GPC5: variants seen among roughly 807,000 people sequenced by gnomAD.
GPC5 encodes the protein glypican 5.
GPC5 carries 47 observed loss-of-function variants against 53.9 expected under a neutral mutation model. The observed-to-expected ratio is 0.87, with a 90% CI of 0.69 to 1.11. The LOEUF is 1.11. GPC5 is among the 50% of genes most tolerant of loss of function. The probability of loss-of-function intolerance (pLI) is 0.00; values close to 1 mark genes in which losing one functional copy is unlikely to be tolerated. For missense variants in GPC5, 748 were observed against 713.1 expected, an observed-to-expected ratio of 1.05 and a Z score of -0.56; for synonymous variants, 286 against 263.3, an observed-to-expected ratio of 1.09 and a Z score of -0.84.
intron 2 of GPC5, among the ~76,000 whole-genome samples, chr13:91,646,219 C>T (rs74927236): frequency 0.022 from 3,392 of 152,098 alleles, 125 homozygotes; most frequent in African/African-American, 0.078. Flanking sequence ...TTGATCTTTC[C>T]CTAAAATATG....
At chr13:91,532,097 A>G (rs1258551706) in intron 2 of GPC5, among the ~76,000 whole-genome samples, 1 of 152,204 alleles carries the variant, frequency 6.6e-6, no homozygotes, top group Non-Finnish European at 1.5e-5. Context: ...CCTTAATGGA[A>G]AAAAAATGAA....
At chr13:91,897,254 C>A (rs1016819543) in intron 5 of GPC5, among the ~76,000 whole-genome samples, 3 of 151,586 alleles carry the variant, frequency 2.0e-5, no homozygotes, top group African/African-American at 7.3e-5. Context: ...ATTTACAAAT[C>A]TTTTCAAACT....
intron 7 of GPC5, among the ~76,000 whole-genome samples, chr13:92,643,020 T>A (rs1419196081): frequency 1.3e-5 from 2 of 152,222 alleles, no homozygotes; most frequent in Non-Finnish European, 2.9e-5. Context: ...CATAAATGTC[T>A]TCTTTTGAGA....
At chr13:92,071,111 C>CTGTA (rs1217291757) in intron 6 of GPC5, among the ~76,000 whole-genome samples, 1 of 152,100 alleles carries the variant, frequency 6.6e-6, no homozygotes, top group East Asian at 1.9e-4. Flanking sequence ...TGGCATGCAC[C>CTGTA]TGTAGTCCCA....
chr13:92,814,654 C>A lies in GPC5; in HGVS notation c.1562-51628C>A, dbSNP rs1458040743. Among the ~76,000 whole-genome samples the A allele has an allele frequency of 2.0e-5, 3 of 149,322 alleles. 1 individual carries two copies. The highest frequency in any genetic ancestry group is 7.4e-5 in the African/African-American group (3 of 40,330). ...CCAGCCAGGGTGACAGAACAAGACT[C>A]TGTCTCAAAAAAAAAAATAAAAAAT... is the stretch of plus-strand genomic sequence containing the variant. On this transcript the variant is annotated intron_variant, in intron 7 of 7. Transcript: ENST00000377067.
At chr13:92,214,942 T>C (rs2042399601) in intron 7 of GPC5, among the ~76,000 whole-genome samples, 1 of 152,108 alleles carries the variant, frequency 6.6e-6, no homozygotes, top group Non-Finnish European at 1.5e-5. Context: ...GCTGGACATG[T>C]CAAGGAAATG....
In GPC5 at chr13:92,494,101, T is replaced by TTTTGTTTTG. The variant is rs71772465; in HGVS notation, c.1561+349115_1561+349116insGTTTTGTTT. On this transcript the variant is annotated intron_variant, in intron 7 of 7. Transcript: ENST00000377067. ...GTTTGTTTTGTTTTGTTTTGTTTTG[T>TTTTGTTTTG]TTTTTTGAGACGGAGTCTCGCTCTG... is the stretch of plus-strand genomic sequence containing the variant. 8.8e-3 allele frequency among the ~76,000 whole-genome samples: 553 copies of TTTTGTTTTG among 62,698 alleles called. 2 individuals are homozygous for TTTTGTTTTG. The highest frequency in any genetic ancestry group is 0.023 in the African/African-American group (484 of 20,630). 41.1% of individuals were successfully genotyped at this position (62,698 alleles called of 152,430 possible). A position where few individuals can be genotyped will look rare whatever the true frequency, so the allele number is the denominator to read the frequency against.
intron 7 of GPC5, among the ~76,000 whole-genome samples, chr13:92,390,126 C>A (rs1024868526): frequency 2.6e-5 from 4 of 152,070 alleles, no homozygotes; most frequent in African/African-American, 9.7e-5. Flanking sequence ...ATTTACAGTG[C>A]AAACCACAAG....
chr13:92,539,539 G>C (rs1461051370), intron 7 of GPC5, among the ~76,000 whole-genome samples: 2 of 151,776 alleles, frequency 1.3e-5, no homozygotes, highest in Non-Finnish European at 2.9e-5. Context: ...TTGTAAATTT[G>C]TTTAAGTTCT....
chr13:92,047,952 C>T (rs1191666005), intron 6 of GPC5, among the ~76,000 whole-genome samples: 2 of 151,852 alleles, frequency 1.3e-5, no homozygotes, highest in Non-Finnish European at 2.9e-5. Flanking sequence ...GATCATGCCA[C>T]TGCACTCCAG....
At chr13:92,830,313 C>T (rs1370538721) in intron 7 of GPC5, among the ~76,000 whole-genome samples, 1 of 151,982 alleles carries the variant, frequency 6.6e-6, no homozygotes. Context: ...TGATGCATAT[C>T]CTTGGATCCT....
chr13:92,253,961 G>A (rs2042709541), intron 7 of GPC5, among the ~76,000 whole-genome samples: 1 of 152,034 alleles, frequency 6.6e-6, no homozygotes, highest in African/African-American at 2.4e-5. Flanking sequence ...GGTTCTATAG[G>A]AACTCAGAGC....
At chr13:91,770,726 G>GTT (rs2037609397) in intron 5 of GPC5, among the ~76,000 whole-genome samples, 1 of 151,766 alleles carries the variant, frequency 6.6e-6, no homozygotes. Flanking sequence ...GTGTGTGTGT[G>GTT]TGTGTGTGTG....
intron 6 of GPC5, among the ~76,000 whole-genome samples, chr13:92,016,749 C>A (rs1547655): frequency 0.45 from 67,261 of 148,970 alleles, 15,878 homozygotes; most frequent in East Asian, 0.76. Flanking sequence ...TTCTTTTGAG[C>A]CAGAGTTTTG....
intron 6 of GPC5, among the ~76,000 whole-genome samples, chr13:92,022,133 G>A (rs2040764037): frequency 6.6e-6 from 1 of 151,844 alleles, no homozygotes; most frequent in Non-Finnish European, 1.5e-5. Flanking sequence ...CCGAGTAGCT[G>A]GATTTATAGG....
chr13:91,583,460 TAA>T (rs1346586851), intron 2 of GPC5, among the ~76,000 whole-genome samples: 2 of 152,140 alleles, frequency 1.3e-5, no homozygotes, highest in African/African-American at 2.4e-5. Context: ...AAATAATATT[TAA>T]AAGAGACATG....
At chr13:92,425,341 C>T (rs1876784879) in intron 7 of GPC5, among the ~76,000 whole-genome samples, 1 of 151,992 alleles carries the variant, frequency 6.6e-6, no homozygotes, top group African/African-American at 2.4e-5. Context: ...TCTCCCACCT[C>T]TACCCTCTCC....
intron 6 of GPC5, among the ~76,000 whole-genome samples, chr13:92,104,832 G>T (rs2041495500): frequency 6.6e-6 from 1 of 151,986 alleles, no homozygotes; most frequent in Non-Finnish European, 1.5e-5. Flanking sequence ...GTAAATTTGG[G>T]GTGACAGGTA....
rs541951678 is a variant in GPC5 at position 92,150,883 on chromosome 13, A to G, written c.1561+5894A>G. On this transcript the variant is annotated intron_variant, in intron 7 of 7. Transcript: ENST00000377067. ...TGCTAAGTGTAACTATATGATCAAT[A>G]GAGGAAGTAAAAAAAAAAAAAAATT... Among the ~76,000 whole-genome samples the G allele has an allele frequency of 6.3e-5, 8 of 126,848 alleles. No homozygotes were observed. In the East Asian group the frequency reaches 2.0e-3, roughly 31 times the overall value. The allele number at this position is 126,848 out of a possible 152,430, so 83.2% of individuals were successfully genotyped here.
Sources: allele counts gnomAD v4.1 joint callset (sites outside exome capture counted in the v4.1 genomes callset), GRCh38; gene constraint gnomAD v4.1.1; transcripts MANE v1.5; gene names NCBI Gene and HGNC (gene_info 2026-07-23, HGNC 2026-07-21).